The following ABHD18 variants were observed in gnomAD, a reference collection of about 807,000 sequenced individuals.
ABHD18 encodes the protein abhydrolase domain containing 18, also known as cardiolipin-specific deacylase, mitochondrial.
ABHD18 carries 55 observed loss-of-function variants against 65.9 expected under a neutral mutation model. The observed-to-expected ratio is 0.84, with a 90% CI of 0.67 to 1.05. The LOEUF (loss-of-function observed/expected upper bound fraction) is 1.05, where lower values mean the gene tolerates loss of function less well. ABHD18 is among the 50% of genes least tolerant of loss of function. ABHD18 has a pLI of 0.00. For missense variants in ABHD18, 533 were observed against 558.5 expected (o/e 0.95, Z 0.46); for synonymous variants, 181 against 180.2 (o/e 1.00, Z -0.04).
chr4:128,002,029 C>T (rs1452051858), intron 4 of ABHD18, among the ~76,000 whole-genome samples: 4 of 152,074 alleles, frequency 2.6e-5, no homozygotes, highest in African/African-American at 9.7e-5. Flanking sequence ...AATCCCAGCA[C>T]TTTGGGAGGA....
chr4:128,025,033 C>T (rs1757144549), intron 10 of ABHD18, among the ~76,000 whole-genome samples: 1 of 151,948 alleles, frequency 6.6e-6, no homozygotes, highest in South Asian at 2.1e-4. Flanking sequence ...AATGTATGGT[C>T]ATATAATTCA....
intron 4 of ABHD18, among the ~76,000 whole-genome samples, chr4:128,007,105 A>C (rs892710692): frequency 6.6e-6 from 1 of 152,094 alleles, no homozygotes; most frequent in African/African-American, 2.4e-5. Context: ...AGATCATGCC[A>C]TTGCACTCCA....
intron 1 of ABHD18, among the ~76,000 whole-genome samples, chr4:127,966,785 T>A (rs888423072): frequency 7.5e-6 from 1 of 132,904 alleles, no homozygotes; most frequent in African/African-American, 2.9e-5. Flanking sequence ...CTCGGGAGGC[T>A]GAGGCAGGAG....
chr4:127,969,441 C>T (rs1432237144), intron 1 of ABHD18, among the ~76,000 whole-genome samples: 2 of 151,946 alleles, frequency 1.3e-5, no homozygotes, highest in Non-Finnish European at 2.9e-5. Context: ...TCAGGTGATC[C>T]GCCTGCCTCA....
At chr4:128,016,510 C>T (rs1237654947) in intron 7 of ABHD18, among the ~76,000 whole-genome samples, 2 of 152,120 alleles carry the variant, frequency 1.3e-5, no homozygotes, top group Admixed American at 6.6e-5. Flanking sequence ...CGTGGTGGCT[C>T]ACGCCTGTAA....
chr4:127,980,508 G>T (rs1201926076), intron 1 of ABHD18, among the ~76,000 whole-genome samples: 1 of 152,028 alleles, frequency 6.6e-6, no homozygotes, highest in Non-Finnish European at 1.5e-5. Flanking sequence ...CACTAGATAT[G>T]CCTGAAATGC....
intron 4 of ABHD18, among the ~76,000 whole-genome samples, chr4:127,991,177 GTGTTTTGTTTTGTTTCGTTT>G (rs1341248857): frequency 2.6e-5 from 4 of 151,716 alleles, no homozygotes; most frequent in African/African-American, 9.7e-5. Context: ...TTAATGATTT[GTGTTTTGTTTTGTTTCGTTT>G]TGTTTTGTTT....
At chr4:127,988,387 C>A (rs1196168936) in intron 3 of ABHD18, among the ~76,000 whole-genome samples, 1 of 152,062 alleles carries the variant, frequency 6.6e-6, no homozygotes, top group Non-Finnish European at 1.5e-5. Flanking sequence ...CATGCCACCA[C>A]GTTCAGCTAA....
At chr4:128,001,148 T>A (rs975741393) in intron 4 of ABHD18, among the ~76,000 whole-genome samples, 10 of 152,118 alleles carry the variant, frequency 6.6e-5, no homozygotes, top group African/African-American at 1.7e-4. Flanking sequence ...TGCCTGATTG[T>A]TCTGGTTAGG....
intron 12 of ABHD18, among the ~76,000 whole-genome samples, chr4:128,034,761 C>T (rs1407938483): frequency 6.6e-6 from 1 of 152,018 alleles, no homozygotes; most frequent in Non-Finnish European, 1.5e-5. Flanking sequence ...AGCAATTCTC[C>T]TGCCTCAGCC....
At chr4:128,004,408 C>T (rs1753234182) in intron 4 of ABHD18, among the ~76,000 whole-genome samples, 1 of 150,886 alleles carries the variant, frequency 6.6e-6, no homozygotes, top group Non-Finnish European at 1.5e-5. Flanking sequence ...GCCAAGATCG[C>T]ACCACTGCAC....
chr4:128,033,767 A>ACCTCGTGATCCGCCTG (rs1758542783), intron 12 of ABHD18, among the ~76,000 whole-genome samples: 1 of 151,138 alleles, frequency 6.6e-6, no homozygotes, highest in South Asian at 2.1e-4. Context: ...CGATCTCCTG[A>ACCTCGTGATCCGCCTG]CCTCGTGATC....
At chr4:127,995,439 C>G (rs1751584416) in intron 4 of ABHD18, among the ~76,000 whole-genome samples, 1 of 151,978 alleles carries the variant, frequency 6.6e-6, no homozygotes, top group Non-Finnish European at 1.5e-5. Flanking sequence ...TACTACTGAT[C>G]TAGTTTTTAT....
intron 1 of ABHD18, among the ~76,000 whole-genome samples, chr4:127,968,550 C>G (rs1421596529): frequency 6.6e-6 from 1 of 151,900 alleles, no homozygotes; most frequent in Admixed American, 6.6e-5. Flanking sequence ...GCTTAGGTAC[C>G]CAAATGACAG....
intron 12 of ABHD18, 130 bp downstream of exon 12, chr4:128,030,802 C>A: frequency 1.4e-6 from 2 of 1,399,394 alleles, no homozygotes; most frequent in South Asian, 1.8e-5. Flanking sequence ...CCTCACCTCC[C>A]ACAAATCTCA....
At chr4:127,972,659 G>C (rs770025956) in intron 1 of ABHD18, among the ~76,000 whole-genome samples, 1 of 150,852 alleles carries the variant, frequency 6.6e-6, no homozygotes, top group African/African-American at 2.4e-5. Flanking sequence ...ACCTGCCTTG[G>C]CTTCTCAAAG....
intron 1 of ABHD18, among the ~76,000 whole-genome samples, chr4:127,979,223 T>A (rs1205197526): frequency 6.6e-6 from 1 of 152,148 alleles, no homozygotes; most frequent in Non-Finnish European, 1.5e-5. Context: ...GGAATAGCAC[T>A]GAAAAAATAA....
intron 1 of ABHD18, among the ~76,000 whole-genome samples, chr4:127,973,069 G>A (rs911730068): frequency 4.6e-5 from 7 of 152,018 alleles, no homozygotes; most frequent in African/African-American, 7.2e-5. Flanking sequence ...GCTGGAGTGC[G>A]GTGGTGTGAT....
intron 2 of ABHD18, among the ~76,000 whole-genome samples, chr4:127,984,012 G>C (rs953966633): frequency 2.6e-5 from 4 of 151,856 alleles, no homozygotes; most frequent in Non-Finnish European, 5.9e-5. Context: ...GCACTCGCCT[G>C]GGTGACAGAG....
Sources: allele counts gnomAD v4.1 joint callset (sites outside exome capture counted in the v4.1 genomes callset), GRCh38; gene constraint gnomAD v4.1.1; transcripts MANE v1.5; gene names NCBI Gene and HGNC (gene_info 2026-07-23, HGNC 2026-07-21).